Variants in FAAH2 observed in about 807,000 individuals in gnomAD.
FAAH2 encodes fatty acid amide hydrolase 2.
A neutral mutation model predicts 36.9 loss-of-function variants in FAAH2; 60 were observed. The observed-to-expected ratio is 1.63, with a 90% confidence interval of 1.32 to 2.02. The LOEUF (loss-of-function observed/expected upper bound fraction) is 2.02. Among genes scored for constraint, FAAH2 ranks in the 30% most tolerant of loss-of-function variants. The probability of loss-of-function intolerance (pLI) is 0.00; values close to 1 mark genes in which losing one functional copy is unlikely to be tolerated. For missense variants in FAAH2, 689 were observed against 397.5 expected (o/e 1.73, Z -6.23); for synonymous variants, 214 against 143.8 (o/e 1.49, Z -3.49).
At chrX:57,266,264 G>A in the FAAH2 span, among the ~76,000 whole-genome samples, 1 of 112,025 alleles carries the variant, frequency 8.9e-6, no homozygotes, top group East Asian at 2.8e-4. Context: ...GGAGCAGGCT[G>A]CTATCTTTGT....
intron 7 of FAAH2, among the ~76,000 whole-genome samples, chrX:57,408,717 A>T (rs781386574): frequency 1.8e-5 from 2 of 110,688 alleles, no homozygotes; most frequent in South Asian, 7.7e-4. Context: ...TATGACCTTG[A>T]TTGTGTTGAG....
chrX:57,146,098 T>C, the FAAH2 span, among the ~76,000 whole-genome samples: 1 of 110,195 alleles, frequency 9.1e-6, no homozygotes, highest in Non-Finnish European at 1.9e-5. Flanking sequence ...TCTAGTTCTG[T>C]GAAGAATGAT....
chrX:57,309,679 C>T (rs1409543643), intron 2 of FAAH2, among the ~76,000 whole-genome samples: 3 of 111,083 alleles, frequency 2.7e-5, no homozygotes, highest in Non-Finnish European at 5.7e-5. Flanking sequence ...TTTTTCAGCT[C>T]CCACTTATGA....
chrX:57,352,026 ATATATATATACATATATATATGTG>A (rs1203963654), intron 5 of FAAH2, among the ~76,000 whole-genome samples: 8 of 12,381 alleles, frequency 6.5e-4, no homozygotes. Flanking sequence ...GTGTGTATAT[ATATATATATACATATATATATGTG>A]TATATATATA....
chrX:57,241,239 A>G, the FAAH2 span, among the ~76,000 whole-genome samples: 4 of 112,681 alleles, frequency 3.5e-5, no homozygotes, highest in African/African-American at 9.7e-5. Flanking sequence ...ACCAAAAACT[A>G]TAAAAATCCT....
chrX:57,193,694 C>A, the FAAH2 span, among the ~76,000 whole-genome samples: 1 of 111,548 alleles, frequency 9.0e-6, no homozygotes, highest in Non-Finnish European at 1.9e-5. Context: ...AGAAAAGAAC[C>A]TATGTGACTA....
chrX:57,488,732 C>T lies in FAAH2; in HGVS notation c.1424-25C>T, dbSNP rs763551615. 14 of 1,201,875 alleles carry T rather than the reference C, an allele frequency of 1.2e-5. No individual in the cohort carries two copies. In the Admixed American group the frequency reaches 1.6e-4, roughly 14 times the overall value. ...TTTTCAGGAACAGGTCTTGATTTCT[C>T]ACTTATTTTGTTTGTTTTCTTCAGG... On this transcript the variant is annotated intron_variant, in intron 10 of 10. Transcript: ENST00000374900.
intron 7 of FAAH2, among the ~76,000 whole-genome samples, chrX:57,418,777 A>T (rs1470949685): frequency 9.2e-6 from 1 of 109,101 alleles, no homozygotes; most frequent in Admixed American, 9.8e-5. Context: ...TGTGCAGGTT[A>T]GTTACATATG....
intron 8 of FAAH2, among the ~76,000 whole-genome samples, chrX:57,433,538 G>C (rs1006465630): frequency 8.9e-6 from 1 of 111,897 alleles, no homozygotes; most frequent in Non-Finnish European, 1.9e-5. Flanking sequence ...AAGATGTTAT[G>C]ACACATACAT....
intron 4 of FAAH2, among the ~76,000 whole-genome samples, chrX:57,334,932 A>G (rs1183453211): frequency 8.9e-6 from 1 of 111,782 alleles, no homozygotes. Flanking sequence ...AAAATATCAG[A>G]CAGATCATTG....
chrX:57,421,072 A>T (rs1481703880), intron 7 of FAAH2, among the ~76,000 whole-genome samples: 1 of 111,980 alleles, frequency 8.9e-6, no homozygotes, highest in Non-Finnish European at 1.9e-5. Context: ...GCCTCTGGTA[A>T]TCAACATTCT....
chrX:57,163,552 A>G, the FAAH2 span, among the ~76,000 whole-genome samples: 1 of 112,036 alleles, frequency 8.9e-6, no homozygotes, highest in African/African-American at 3.2e-5. Flanking sequence ...GGTGCGAGAT[A>G]TAATCTCGTG....
intron 10 of FAAH2, among the ~76,000 whole-genome samples, chrX:57,460,495 G>A (rs2056939367): frequency 9.0e-6 from 1 of 111,462 alleles, no homozygotes; most frequent in African/African-American, 3.3e-5. Flanking sequence ...GAGAGTGGGG[G>A]CCAGTATTCT....
At chrX:57,482,984 A>G (rs1242166147) in intron 10 of FAAH2, among the ~76,000 whole-genome samples, 1 of 109,902 alleles carries the variant, frequency 9.1e-6, no homozygotes, top group African/African-American at 3.3e-5. Context: ...ATCACTATAT[A>G]CCTTCATAAT....
the FAAH2 span, among the ~76,000 whole-genome samples, chrX:57,147,336 T>C: frequency 8.9e-6 from 1 of 111,886 alleles, no homozygotes; most frequent in East Asian, 2.8e-4. Flanking sequence ...CTAGGTTTTC[T>C]AGTTTATGCG....
chrX:57,242,092 G>A, the FAAH2 span, among the ~76,000 whole-genome samples: 1 of 112,781 alleles, frequency 8.9e-6, no homozygotes, highest in African/African-American at 3.2e-5. Context: ...TCCCAGCACA[G>A]AACGGGAGCT....
In FAAH2 at chrX:57,436,878, C is replaced by T. The variant is rs766877914; in HGVS notation, c.1116+4841C>T. On this transcript the variant is annotated intron_variant, in intron 8 of 10. Coordinates refer to ENST00000374900, the MANE Select transcript of FAAH2 (RefSeq NM_174912.4). ...AGGAGAGAATTCTTCATAACTCATT[C>T]CATGACACCACTATCACCCTGATAC... 2.0e-4 allele frequency among the ~76,000 whole-genome samples: 22 copies of T among 111,059 alleles called. No individual in the cohort carries two copies. In the South Asian group the frequency reaches 8.0e-3, roughly 40 times the overall value.
the FAAH2 span, among the ~76,000 whole-genome samples, chrX:57,185,488 C>CTGCG: frequency 2.0e-3 from 188 of 94,012 alleles, 1 homozygote; most frequent in East Asian, 2.7e-3. Flanking sequence ...CTCTCTGTCT[C>CTGCG]TGTGTGTGTG....
chrX:57,387,862 G>A (rs1319215725), intron 7 of FAAH2, among the ~76,000 whole-genome samples: 1 of 111,275 alleles, frequency 9.0e-6, no homozygotes, highest in Non-Finnish European at 1.9e-5. Context: ...ATGAGAATGA[G>A]TGATGTGTGT....
Sources: gnomAD v4.1 joint callset for allele counts (sites outside exome capture counted in the v4.1 genomes callset) on GRCh38, gnomAD v4.1.1 for gene constraint, MANE v1.5 for transcripts, NCBI Gene and HGNC (gene_info 2026-07-23, HGNC 2026-07-21) for gene names.